Variants in RBM25 observed in about 807,000 individuals in gnomAD.
The protein encoded by RBM25 is RNA binding motif protein 25, also known as RNA-binding protein 25.
Under a neutral mutation model 120.7 loss-of-function variants are expected in RBM25, and 19 were observed. That is an observed-to-expected ratio of 0.16 (90% CI 0.11 to 0.23). The LOEUF (loss-of-function observed/expected upper bound fraction) is 0.23, where lower values mean the gene tolerates loss of function less well. RBM25 is among the 10% of genes least tolerant of loss of function. The probability of loss-of-function intolerance (pLI) is 1.00; values close to 1 mark genes in which losing one functional copy is unlikely to be tolerated. For synonymous variants in RBM25, 390 were observed against 326.7 expected (o/e 1.19, Z -2.09); for missense variants, 605 against 1,041.5 (o/e 0.58, Z 5.77).
At chr14:73,110,282 G>A (rs116812543) in intron 14 of RBM25, among the ~76,000 whole-genome samples, 3,438 of 151,846 alleles carry the variant, frequency 0.023, 137 homozygotes, top group African/African-American at 0.076. Context: ...TCCTGGGCAA[G>A]TGGTCCTCAG....
At chr14:73,116,874 A>G (rs965162998) in intron 18 of RBM25, among the ~76,000 whole-genome samples, 1 of 152,210 alleles carries the variant, frequency 6.6e-6, no homozygotes, top group Non-Finnish European at 1.5e-5. Flanking sequence ...TAGTGTTGTC[A>G]AACAGCTCTG....
intron 1 of RBM25, among the ~76,000 whole-genome samples, chr14:73,061,791 C>CTCAG (rs1895011907): frequency 6.6e-6 from 1 of 151,304 alleles, no homozygotes; most frequent in African/African-American, 2.4e-5. Context: ...GGGTCTGGAA[C>CTCAG]TCAGGCTCAA....
At chr14:73,118,397 G>A (rs1354832282) in intron 18 of RBM25, among the ~76,000 whole-genome samples, 1 of 151,630 alleles carries the variant, frequency 6.6e-6, no homozygotes, top group Non-Finnish European at 1.5e-5. Context: ...AGTATCACTT[G>A]AGCCTGGGAG....
chr14:73,108,490 G>T (rs973580451), intron 13 of RBM25, among the ~76,000 whole-genome samples: 2 of 152,314 alleles, frequency 1.3e-5, no homozygotes, highest in East Asian at 3.9e-4. Context: ...AGTAACAGTT[G>T]TGACAACTGC....
intron 18 of RBM25, among the ~76,000 whole-genome samples, chr14:73,119,110 A>G (rs901440565): frequency 3.9e-5 from 6 of 152,088 alleles, no homozygotes; most frequent in Non-Finnish European, 8.8e-5. Flanking sequence ...CACTGGACAA[A>G]TTTTCTTTAA....
rs57669015 is a variant in RBM25 at position 73,069,746 on chromosome 14, T to TAAAAAAAAAAAAAAAAAAAAAAAAAA, written c.-15-1873_-15-1848dup. ...ACCGTGCCTGGCCGACCCTGTTTCTTAAAAAAAAAAAAAAAAAAAAAAAAA... is the reference window on the plus strand; with the variant it reads ...ACCGTGCCTGGCCGACCCTGTTTCTTAAAAAAAAAAAAAAAAAAAAAAAAAAAAAAAAAAAAAAAAAAAAAAAAAAA... On this transcript the variant is annotated intron_variant, in intron 1 of 18. Transcript: ENST00000261973. 3 of 44,160 alleles carry TAAAAAAAAAAAAAAAAAAAAAAAAAA rather than the reference T, an allele frequency of 6.8e-5. 1 individual carries two copies. The highest frequency in any genetic ancestry group is 9.2e-4 in the Admixed American group (2 of 2,182). 2.7% of individuals were successfully genotyped at this position (44,160 alleles called of 1,614,324 possible).
intron 6 of RBM25, among the ~76,000 whole-genome samples, chr14:73,093,130 A>G (rs542249656): frequency 2.0e-5 from 3 of 152,356 alleles, no homozygotes; most frequent in South Asian, 4.1e-4. Flanking sequence ...GTTATTAACC[A>G]TATATTCAAG....
At chr14:73,071,970 T>TA (rs1341224721) in intron 2 of RBM25, among the ~76,000 whole-genome samples, 3 of 152,078 alleles carry the variant, frequency 2.0e-5, no homozygotes, top group Non-Finnish European at 1.5e-5. Flanking sequence ...GGAAAGTTTT[T>TA]AAAAAATTCT....
intron 5 of RBM25, among the ~76,000 whole-genome samples, 153 bp downstream of exon 5, chr14:73,083,704 C>T (rs1368287996): frequency 6.6e-6 from 1 of 151,844 alleles, no homozygotes; most frequent in Admixed American, 6.6e-5. Context: ...GGTTAAAAGG[C>T]AGTTTGGGAA....
intron 17 of RBM25, among the ~76,000 whole-genome samples, chr14:73,112,970 A>AT (rs991956426): frequency 4.7e-5 from 7 of 149,608 alleles, no homozygotes; most frequent in Non-Finnish European, 7.4e-5. Context: ...CACCCTGCTA[A>AT]TTTTTTTTTT....
chr14:73,064,985 C>T (rs1195680851), intron 1 of RBM25: 7 of 148,462 alleles, frequency 4.7e-5, no homozygotes, highest in Non-Finnish European at 9.0e-5. Flanking sequence ...GAGTCTTACT[C>T]TGTCGTTCAG....
chr14:73,071,166 C>T (rs372517537), intron 1 of RBM25, among the ~76,000 whole-genome samples: 80 of 150,004 alleles, frequency 5.3e-4, no homozygotes, highest in Non-Finnish European at 8.9e-4. Context: ...CGCTTGAACC[C>T]GGGAGGCGGA....
intron 6 of RBM25, among the ~76,000 whole-genome samples, chr14:73,094,923 C>A (rs1247321676): frequency 2.0e-5 from 3 of 151,904 alleles, no homozygotes; most frequent in African/African-American, 7.3e-5. Context: ...GCAGCATGAT[C>A]TCTGCTCACT....
chr14:73,090,677 C>T lies in RBM25; in HGVS notation c.543+2516C>T, dbSNP rs140036173. Among the ~76,000 whole-genome samples, 141 of 152,186 alleles carry T rather than the reference C, an allele frequency of 9.3e-4. 1 individual carries two copies. The highest frequency in any genetic ancestry group is 1.1e-3 in the African/African-American group (44 of 41,518). On this transcript the variant is annotated intron_variant, in intron 6 of 18. Coordinates refer to ENST00000261973, the MANE Select transcript of RBM25 (RefSeq NM_021239.3). ...TTTATATATCTCTCTCTTTCACAGC[C>T]CCTTGTAACCCATCTCATTCCCATA...
rs1315606907 is a variant in RBM25 at position 73,088,113 on chromosome 14, A to G, written c.495A>G (p.Thr165=). 6.2e-7 allele frequency: 1 copy of G among 1,614,226 alleles called. No individual in the cohort carries two copies. ...KKLLVKVDAK[T]KAQLDEWKAK... ...TACTCGTTAAAGTTGATGCAAAGAC[A>G]AAGGCACAGCTGGATGAATGGAAAG... The change falls in exon 6 of 19, where the codon ACA becomes ACG. Residue 165 remains threonine, a synonymous_variant. Coordinates refer to ENST00000261973, the MANE Select transcript of RBM25 (RefSeq NM_021239.3).
chr14:73,106,113 C>T, intron 11 of RBM25, 32 bp downstream of exon 11: 1 of 1,595,396 alleles, frequency 6.3e-7, no homozygotes, highest in Non-Finnish European at 8.5e-7. Flanking sequence ...ATTCTTAAAT[C>T]TTGGTATCCC....
In RBM25 at chr14:73,062,987, A is replaced by T. The variant is rs753548246; in HGVS notation, c.-16+4282A>T. 5.3e-4 allele frequency among the ~76,000 whole-genome samples: 79 copies of T among 149,770 alleles called. 1 individual carries two copies. Among genetic ancestry groups the T allele is most frequent in the Non-Finnish European group, 7.6e-4 (51 of 67,020 alleles). On this transcript the variant is annotated intron_variant, in intron 1 of 18. Transcript: ENST00000261973. ...AGGTGCATGCTACCACACCTGGCTA[A>T]TTTTTTGTATTTTTGGTAGAGATGG...
At chr14:73,066,293 C>T (rs747121827) in intron 1 of RBM25, among the ~76,000 whole-genome samples, 22 of 152,104 alleles carry the variant, frequency 1.4e-4, no homozygotes, top group Non-Finnish European at 1.6e-4. Context: ...TACTGATAAC[C>T]TACCTACTGT....
intron 6 of RBM25, among the ~76,000 whole-genome samples, chr14:73,088,794 C>A (rs1386534117): frequency 6.6e-6 from 1 of 152,208 alleles, no homozygotes; most frequent in Non-Finnish European, 1.5e-5. Context: ...CCAACACAAA[C>A]AAAACCAGAA....
Sources: allele counts gnomAD v4.1 joint callset (sites outside exome capture counted in the v4.1 genomes callset), GRCh38; gene constraint gnomAD v4.1.1; transcripts MANE v1.5; gene names NCBI Gene and HGNC (gene_info 2026-07-23, HGNC 2026-07-21).